Variants in C1QTNF1 observed in about 807,000 individuals in gnomAD.
C1QTNF1 encodes C1q and TNF related 1, also known as complement C1q tumor necrosis factor-related protein 1.
C1QTNF1 carries 22 observed loss-of-function variants against 27.8 expected under a neutral mutation model. That is an observed-to-expected ratio of 0.79 (90% CI 0.56 to 1.13). The LOEUF (loss-of-function observed/expected upper bound fraction) is 1.13. C1QTNF1 is among the 50% of genes most tolerant of loss of function. The probability of loss-of-function intolerance (pLI) is 0.00; values close to 1 mark genes in which losing one functional copy is unlikely to be tolerated. For missense variants in C1QTNF1, 373 were observed against 380.2 expected, an observed-to-expected ratio of 0.98 and a Z score of 0.16; for synonymous variants, 166 against 154.3, an observed-to-expected ratio of 1.08 and a Z score of -0.56.
At chr17:79,043,503 G>A (rs2072477335) in intron 1 of C1QTNF1, 3 of 449,922 alleles carry the variant, frequency 6.7e-6, no homozygotes, top group South Asian at 3.1e-5. Flanking sequence ...GAGTGTGCAT[G>A]TGATGTGGGT....
chr17:79,044,442 C>T (rs1244028313), intron 2 of C1QTNF1, among the ~76,000 whole-genome samples: 2 of 152,184 alleles, frequency 1.3e-5, no homozygotes, highest in Admixed American at 6.5e-5. Context: ...TTTGTCTTTC[C>T]ATTCTCACTT....
intron 1 of C1QTNF1, chr17:79,027,283 G>A (rs1342544537): frequency 6.6e-6 from 1 of 152,370 alleles, no homozygotes; most frequent in Non-Finnish European, 1.5e-5. Flanking sequence ...TTAACCTGCT[G>A]AAATTGGCCT....
intron 1 of C1QTNF1, chr17:79,041,959 T>C (rs970224589): frequency 3.9e-5 from 6 of 152,088 alleles, no homozygotes; most frequent in African/African-American, 1.4e-4. Flanking sequence ...TAAGAGGAGT[T>C]AGAGGAGAAA....
chr17:79,025,417 G>A (rs1449035809), intron 1 of C1QTNF1, among the ~76,000 whole-genome samples: 1 of 152,186 alleles, frequency 6.6e-6, no homozygotes, highest in African/African-American at 2.4e-5. Context: ...TCTGTGAGGT[G>A]TTCCTGACTC....
chr17:79,047,466 G>A (rs1341430802), intron 3 of C1QTNF1, 72 bp from the exon 4 acceptor site: 5 of 1,418,570 alleles, frequency 3.5e-6, no homozygotes, highest in Admixed American at 4.6e-5. Flanking sequence ...AGGGACCGGA[G>A]AGTGAGCAGC....
At chr17:79,030,119 C>T (rs1388089199) in intron 1 of C1QTNF1, among the ~76,000 whole-genome samples, 1 of 152,116 alleles carries the variant, frequency 6.6e-6, no homozygotes, top group East Asian at 1.9e-4. Flanking sequence ...AAACAAAATG[C>T]TCCCTTAGTC....
At chr17:79,023,558 C>A (rs1322668458), upstream of C1QTNF1, among the ~76,000 whole-genome samples, 1 of 152,234 alleles carries the variant, frequency 6.6e-6, no homozygotes, top group Non-Finnish European at 1.5e-5. Context: ...TTCCAGCCAT[C>A]CTGGGCTCAC....
intron 1 of C1QTNF1, among the ~76,000 whole-genome samples, chr17:79,033,745 A>C (rs1364251130): frequency 6.6e-6 from 1 of 151,956 alleles, no homozygotes; most frequent in Non-Finnish European, 1.5e-5. Context: ...GAGCAAGAGG[A>C]GCTGAGAGCT....
intron 1 of C1QTNF1, among the ~76,000 whole-genome samples, chr17:79,042,281 C>T (rs982224747): frequency 1.3e-5 from 2 of 152,268 alleles, no homozygotes; most frequent in Non-Finnish European, 2.9e-5. Flanking sequence ...GGGGAGCAAG[C>T]CGCTCACAGG....
rs2072657497 is a variant in C1QTNF1 at position 79,048,285 on chromosome 17, C to T, written c.*197C>T. On this transcript the variant is annotated 3_prime_UTR_variant, in exon 4 of 4. Transcript: ENST00000579760. Reference sequence around the variant, plus strand: ...AGAGAGCTGACGGCAGATGAAATCACCAGGGCGGGGCACCCGCGAGAACCC... The same window carrying T: ...AGAGAGCTGACGGCAGATGAAATCATCAGGGCGGGGCACCCGCGAGAACCC... The T allele has an allele frequency of 1.6e-6, 1 of 619,540 alleles. No homozygotes were observed. Among genetic ancestry groups the T allele is most frequent in the Non-Finnish European group, 2.7e-6 (1 of 376,378 alleles). The allele number at this position is 619,540 out of a possible 1,614,324, so 38.4% of individuals were successfully genotyped here.
chr17:79,028,455 C>T (rs2072034709), intron 1 of C1QTNF1, among the ~76,000 whole-genome samples: 1 of 152,182 alleles, frequency 6.6e-6, no homozygotes, highest in South Asian at 2.1e-4. Context: ...TGGGGCCAGT[C>T]TTCAGAGCTG....
intron 1 of C1QTNF1, among the ~76,000 whole-genome samples, chr17:79,031,859 C>G (rs1056826177): frequency 6.6e-6 from 1 of 152,174 alleles, no homozygotes; most frequent in Non-Finnish European, 1.5e-5. Context: ...ATAAGAGGAG[C>G]GTTTCTAGGG....
At chr17:79,042,191 G>A (rs139943309) in intron 1 of C1QTNF1, among the ~76,000 whole-genome samples, 6 of 152,332 alleles carry the variant, frequency 3.9e-5, no homozygotes, top group African/African-American at 9.6e-5. Flanking sequence ...GACCACAGTC[G>A]CTGTGCCCCT....
intron 1 of C1QTNF1, among the ~76,000 whole-genome samples, chr17:79,039,393 T>C (rs557794148): frequency 6.6e-6 from 1 of 151,488 alleles, no homozygotes; most frequent in Middle Eastern, 3.5e-3. Flanking sequence ...CAAACGCCCG[T>C]AATCCCAGCA....
upstream of C1QTNF1, among the ~76,000 whole-genome samples, chr17:79,023,704 G>GCGCGCGCGCACACA (rs1267428917): frequency 2.9e-3 from 417 of 145,016 alleles, 4 homozygotes; most frequent in East Asian, 0.027. Flanking sequence ...GCGCGCGCGC[G>GCGCGCGCGCACACA]CACACACACA....
chr17:79,045,713 GGGTTTC>G (rs1253044587), intron 2 of C1QTNF1, among the ~76,000 whole-genome samples: 9 of 152,186 alleles, frequency 5.9e-5, no homozygotes, highest in Non-Finnish European at 1.2e-4. Context: ...ATGGGGACAG[GGGTTTC>G]GGTTTTGCAT....
At chr17:79,045,140 AG>A (rs763208743) in intron 2 of C1QTNF1, among the ~76,000 whole-genome samples, 32 of 152,288 alleles carry the variant, frequency 2.1e-4, no homozygotes, top group Admixed American at 1.4e-3. Flanking sequence ...GAAGACTGAA[AG>A]GAGTGAACTA....
Position 79,048,609 on chromosome 17 carries a change from C to A in C1QTNF1, c.*521C>A. On this transcript the variant is annotated 3_prime_UTR_variant, in exon 4 of 4. Transcript: ENST00000579760. ...CTGGGGTCAGGGGAGGGGCCGGGGG[C>A]AGGAAACTACCTCTGGCTTAATTCT... The A allele has an allele frequency of 6.5e-6, 1 of 152,864 alleles. No individual in the cohort carries two copies. 9.5% of individuals were successfully genotyped at this position (152,864 alleles called of 1,614,324 possible).
At chr17:79,047,400 G>A (rs2072612043) in intron 3 of C1QTNF1, 138 bp from the exon 4 acceptor site, 2 of 846,828 alleles carry the variant, frequency 2.4e-6, no homozygotes, top group South Asian at 2.3e-5. Context: ...GGGGGCTGGG[G>A]GCAGGAGTGA....
Sources: allele counts gnomAD v4.1 joint callset (sites outside exome capture counted in the v4.1 genomes callset), GRCh38; gene constraint gnomAD v4.1.1; transcripts MANE v1.5; gene names NCBI Gene and HGNC (gene_info 2026-07-23, HGNC 2026-07-21).